ANO1: variants seen among roughly 807,000 people sequenced by gnomAD.
ANO1 encodes anoctamin 1, also known as anoctamin-1.
Under a neutral mutation model 124.0 loss-of-function variants are expected in ANO1, and 59 were observed. The observed-to-expected ratio is 0.48, with a 90% CI of 0.39 to 0.59. The LOEUF (loss-of-function observed/expected upper bound fraction) is 0.59. ANO1 is among the 20% of genes least tolerant of loss of function. The probability of loss-of-function intolerance (pLI) is 0.00; values close to 1 mark genes in which losing one functional copy is unlikely to be tolerated. For synonymous variants in ANO1, 529 were observed against 532.0 expected (o/e 0.99, Z 0.08); for missense variants, 1,059 against 1,328.0 (o/e 0.80, Z 3.15).
chr11:70,078,964 G>T (rs1204212464), intron 1 of ANO1, among the ~76,000 whole-genome samples: 1 of 151,960 alleles, frequency 6.6e-6, no homozygotes, highest in East Asian at 2.0e-4. Flanking sequence ...GCAGCGCCGG[G>T]CCCCCAGGCA....
At chr11:70,111,287 T>C (rs1207839131) in intron 6 of ANO1, 3 of 467,258 alleles carry the variant, frequency 6.4e-6, no homozygotes, top group East Asian at 1.2e-4. Context: ...TCCATCCGTA[T>C]ATTTCCTCAT....
chr11:70,020,269 C>T (rs1227133963), intron 1 of ANO1, among the ~76,000 whole-genome samples: 1 of 152,238 alleles, frequency 6.6e-6, no homozygotes, highest in Non-Finnish European at 1.5e-5. Flanking sequence ...CAACAGCCCA[C>T]TTCCTATCCA....
intron 4 of ANO1, among the ~76,000 whole-genome samples, chr11:70,104,929 T>G (rs549601942): frequency 1.1e-3 from 163 of 152,142 alleles, no homozygotes; most frequent in African/African-American, 3.9e-3. Flanking sequence ...GCCATGAGCA[T>G]CACTGGATGC....
intron 1 of ANO1, among the ~76,000 whole-genome samples, chr11:70,029,467 G>A (rs1254195294): frequency 2.6e-5 from 4 of 152,202 alleles, no homozygotes; most frequent in African/African-American, 7.2e-5. Context: ...ATTGACTGGT[G>A]CTGGCTGCTG....
rs564498388 is a variant in ANO1 at position 70,079,143 on chromosome 11, G to C, written c.108+429G>C. On this transcript the variant is annotated intron_variant, in intron 1 of 25. Coordinates refer to ENST00000355303, the MANE Select transcript of ANO1 (RefSeq NM_018043.7). ...GGGTGAGGGTGATGGTGGGGGTCTT[G>C]GGTGAAGGCCAAGTTGGTCGCCACT... Among the ~76,000 whole-genome samples, 159 of 152,266 alleles carry C rather than the reference G, an allele frequency of 1.0e-3. 1 individual carries two copies. The highest frequency in any genetic ancestry group is 3.6e-3 in the African/African-American group (150 of 41,572).
rs765946675 is a variant in ANO1, at chr11:70,078,697, C to T, written c.91C>T (p.Leu31=). Residue 31 remains leucine, a synonymous_variant, in exon 1 of 26, where the codon CTG becomes TTG. Coordinates refer to ENST00000355303, the MANE Select transcript of ANO1 (RefSeq NM_018043.7). ...NICAIEDIGY[L]PSEGTLLNSL... ...CTGCGCCATCGAGGACATCGGCTAC[C>T]TGCCGTCCGAGGGCACGGTGAGTGC... The T allele has an allele frequency of 4.7e-6, 7 of 1,486,662 alleles. No homozygotes were observed. The African/African-American group carries it at 7.4e-5, about 16-fold the overall frequency. The allele number at this position is 1,486,662 out of a possible 1,614,324, so 92.1% of individuals were successfully genotyped here. A position where few individuals can be genotyped will look rare whatever the true frequency, so the allele number is the denominator to read the frequency against.
chr11:70,126,812 G>A (rs1157377992), intron 10 of ANO1, among the ~76,000 whole-genome samples: 3 of 148,294 alleles, frequency 2.0e-5, no homozygotes, highest in Non-Finnish European at 3.0e-5. Context: ...TAGAGGCCTC[G>A]GTACAGGCTG....
In ANO1 at chr11:70,095,985, G is replaced by A. The variant is rs571459343; in HGVS notation, c.442-7081G>A. 3.3e-5 allele frequency among the ~76,000 whole-genome samples: 5 copies of A among 152,230 alleles called. No homozygotes were observed. The South Asian group carries it at 8.3e-4, about 25-fold the overall frequency. ...TATCTTGAGGTTTATGTCTTTAAAC[G>A]AGTTAAGCATAGCTGATTTATTACC... On this transcript the variant is annotated intron_variant, in intron 2 of 25. Coordinates refer to ENST00000355303, the MANE Select transcript of ANO1 (RefSeq NM_018043.7).
At chr11:70,116,054 GA>G (rs1038468870) in intron 7 of ANO1, among the ~76,000 whole-genome samples, 4 of 152,214 alleles carry the variant, frequency 2.6e-5, no homozygotes, top group African/African-American at 9.6e-5. Context: ...TCCACAGTGA[GA>G]AGGGAGCAAG....
At position 70,024,700 on chromosome 11, in the gene ANO1, C is replaced by T. The variant is rs567866829; in HGVS notation, c.58+38534C>T. On this transcript the variant is annotated intron_variant, in intron 1 of 27. Coordinates refer to the ANO1 transcript ENST00000531349. ...CTCCCAAGTTCTTCGCCACCACCAC[C>T]ACTCTCAGCAGCTTGCAGAGCTGCC... 2.8e-3 allele frequency among the ~76,000 whole-genome samples: 429 copies of T among 152,346 alleles called. 3 individuals carry two copies. Among genetic ancestry groups the T allele is most frequent in the African/African-American group, 9.8e-3 (408 of 41,578 alleles).
rs562329532 is a variant in ANO1, at chr11:70,080,041, C to T, written c.108+1327C>T. Among the ~76,000 whole-genome samples, 3 of 152,362 alleles carry T rather than the reference C, an allele frequency of 2.0e-5. No homozygotes were observed. In the East Asian group the frequency reaches 5.8e-4, roughly 29 times the overall value. ...GATCAAAGCCATGTGCCAGGCCATG[C>T]TGGCCCCTGGGCACCCTCAAAGAAT... is the stretch of plus-strand genomic sequence containing the variant. On this transcript the variant is annotated intron_variant, in intron 1 of 25. Coordinates refer to ENST00000355303, the MANE Select transcript of ANO1 (RefSeq NM_018043.7).
chr11:70,158,498 G>A (rs951561449), intron 16 of ANO1, among the ~76,000 whole-genome samples: 2 of 152,264 alleles, frequency 1.3e-5, no homozygotes, highest in East Asian at 1.9e-4. Flanking sequence ...AAGCCAGAAG[G>A]CTGCACTTCT....
chr11:69,969,904 G>A, the ANO1 span, among the ~76,000 whole-genome samples: 8 of 152,246 alleles, frequency 5.3e-5, no homozygotes, highest in East Asian at 9.7e-4. Context: ...CTGAGATCAT[G>A]CCACTGCACT....
chr11:70,048,705 A>AC (rs1478159933), intron 1 of ANO1, among the ~76,000 whole-genome samples: 1 of 12,300 alleles, frequency 8.1e-5, no homozygotes, highest in East Asian at 2.4e-3. Flanking sequence ...TCCACCCCCC[A>AC]CCGCTGACCA....
chr11:70,058,933 C>A (rs1368077166), intron 1 of ANO1, among the ~76,000 whole-genome samples: 1 of 151,974 alleles, frequency 6.6e-6, no homozygotes, highest in Non-Finnish European at 1.5e-5. Flanking sequence ...CCTGTAATCC[C>A]AGCACTTTGG....
At chr11:70,152,334 CAAAAAAAAAAAA>C (rs56895585) in intron 12 of ANO1, 104 bp from the exon 13 acceptor site, 8 of 439,370 alleles carry the variant, frequency 1.8e-5, no homozygotes, top group East Asian at 6.2e-5. Context: ...GACTCCATCT[CAAAAAAAAAAAA>C]AAAAAAAAAA....
At chr11:70,155,113 A>T (rs2047756769) in intron 14 of ANO1, among the ~76,000 whole-genome samples, 1 of 152,184 alleles carries the variant, frequency 6.6e-6, no homozygotes, top group Non-Finnish European at 1.5e-5. Context: ...GTGTGGTCGC[A>T]CCTCTTGCAG....
chr11:70,137,306 C>T (rs2046986846), intron 11 of ANO1, among the ~76,000 whole-genome samples: 3 of 145,322 alleles, frequency 2.1e-5, no homozygotes. Flanking sequence ...ACTGAAGCCA[C>T]ATCTCTCTGA....
intron 1 of ANO1, among the ~76,000 whole-genome samples, chr11:70,060,336 CT>C (rs1857545710): frequency 6.6e-6 from 1 of 152,154 alleles, no homozygotes; most frequent in Non-Finnish European, 1.5e-5. Context: ...GCATATCCAG[CT>C]TTAGCTGGTG....
Sources: gnomAD v4.1 joint callset for allele counts (sites outside exome capture counted in the v4.1 genomes callset) on GRCh38, gnomAD v4.1.1 for gene constraint, MANE v1.5 for transcripts, NCBI Gene and HGNC (gene_info 2026-07-23, HGNC 2026-07-21) for gene names.